CDK14: variants seen among roughly 807,000 people sequenced by gnomAD.
The protein encoded by CDK14 is cyclin-dependent kinase 14.
Under a neutral mutation model 60.7 loss-of-function variants are expected in CDK14, and 34 were observed. That is an observed-to-expected ratio of 0.56 (90% CI 0.43 to 0.75). The LOEUF is 0.75. Ranked by LOEUF, CDK14 falls within the 30% of genes least tolerant of loss-of-function variation. The pLI is 0.00. For missense variants in CDK14, 482 were observed against 564.1 expected (o/e 0.85, Z 1.47); for synonymous variants, 197 against 203.7 (o/e 0.97, Z 0.28).
At chr7:90,783,676 A>T (rs1805444098) in intron 4 of CDK14, among the ~76,000 whole-genome samples, 1 of 152,214 alleles carries the variant, frequency 6.6e-6, no homozygotes, top group South Asian at 2.1e-4. Context: ...GTATGAAAAA[A>T]TGCTCAACAT....
At chr7:90,664,148 C>A (rs1800923116) in intron 2 of CDK14, among the ~76,000 whole-genome samples, 1 of 152,184 alleles carries the variant, frequency 6.6e-6, no homozygotes, top group South Asian at 2.1e-4. Context: ...AGACACTTCT[C>A]AAAAGAGGAC....
chr7:91,095,384 G>A lies in CDK14; in HGVS notation c.1154+15904G>A, dbSNP rs536772602. 1.4e-4 allele frequency among the ~76,000 whole-genome samples: 22 copies of A among 152,352 alleles called. 1 individual carries two copies. Among genetic ancestry groups the A allele is most frequent in the Admixed American group, 1.2e-3 (18 of 15,306 alleles). On this transcript the variant is annotated intron_variant, in intron 12 of 14. Coordinates refer to ENST00000380050, the MANE Select transcript of CDK14 (RefSeq NM_001287135.2). ...GTGAGTGAAAGCAGAGGCCAGCCAA[G>A]GAATGGCCCTGCAGGCCAGAGTTTG...
At chr7:90,955,953 AT>A in intron 9 of CDK14, 136 bp downstream of exon 9, 1 of 1,014,804 alleles carries the variant, frequency 9.9e-7, no homozygotes, top group African/African-American at 1.6e-5. Context: ...ATGCTGCTGG[AT>A]GTTTTAAAAC....
chr7:90,683,683 C>A (rs1423460709), intron 2 of CDK14, among the ~76,000 whole-genome samples: 2 of 152,154 alleles, frequency 1.3e-5, no homozygotes, highest in East Asian at 3.9e-4. Flanking sequence ...TGCCTGTAAT[C>A]CTGGCTACTC....
chr7:90,636,769 T>C (rs1800161106), intron 2 of CDK14, among the ~76,000 whole-genome samples: 1 of 152,228 alleles, frequency 6.6e-6, no homozygotes, highest in Non-Finnish European at 1.5e-5. Flanking sequence ...GGTCCTGGAC[T>C]CTTTTTGGTT....
chr7:90,859,639 C>T (rs377734450), intron 5 of CDK14, among the ~76,000 whole-genome samples: 15 of 152,096 alleles, frequency 9.9e-5, no homozygotes, highest in African/African-American at 3.6e-4. Context: ...CACATATTTT[C>T]CATCCTTCAC....
chr7:91,021,658 C>G (rs1215393141), intron 10 of CDK14, among the ~76,000 whole-genome samples: 1 of 152,196 alleles, frequency 6.6e-6, no homozygotes, highest in Non-Finnish European at 1.5e-5. Context: ...ATTCATTCCT[C>G]TTTTATTTTG....
At chr7:91,199,677 A>G (rs1802656631) in intron 14 of CDK14, among the ~76,000 whole-genome samples, 1 of 152,232 alleles carries the variant, frequency 6.6e-6, no homozygotes, top group African/African-American at 2.4e-5. Context: ...TTGTTTTGAA[A>G]TGTTAGACTT....
intron 2 of CDK14, among the ~76,000 whole-genome samples, chr7:90,630,302 A>C (rs1799966336): frequency 6.6e-6 from 1 of 152,186 alleles, no homozygotes; most frequent in Non-Finnish European, 1.5e-5. Flanking sequence ...AGCCTATTGC[A>C]CACCTAAGCT....
At chr7:90,942,074 C>T (rs763522753) in intron 8 of CDK14, among the ~76,000 whole-genome samples, 7 of 152,164 alleles carry the variant, frequency 4.6e-5, no homozygotes, top group Non-Finnish European at 1.0e-4. Flanking sequence ...GAGGTATCAC[C>T]CACTTCTCTT....
intron 10 of CDK14, among the ~76,000 whole-genome samples, chr7:91,038,045 G>T (rs896665252): frequency 1.3e-5 from 2 of 152,084 alleles, no homozygotes; most frequent in Admixed American, 6.5e-5. Flanking sequence ...CTGTGGACAG[G>T]GCCTTGTCAC....
At chr7:90,659,279 A>G (rs1438573580) in intron 2 of CDK14, among the ~76,000 whole-genome samples, 1 of 152,300 alleles carries the variant, frequency 6.6e-6, no homozygotes, top group African/African-American at 2.4e-5. Context: ...AGTGTTAAAG[A>G]TATCAGGGGG....
At chr7:90,936,511 T>C (rs1464072859) in intron 8 of CDK14, among the ~76,000 whole-genome samples, 2 of 152,240 alleles carry the variant, frequency 1.3e-5, no homozygotes. Flanking sequence ...TGGTCTCCTA[T>C]AGCTTTTTAT....
intron 2 of CDK14, chr7:90,692,778 A>G (rs1801578253): frequency 5.9e-6 from 3 of 504,260 alleles, no homozygotes; most frequent in Non-Finnish European, 5.1e-6. Context: ...AAAATGGGCT[A>G]TTGTGGTTGG....
chr7:91,013,200 TTTC>T (rs1410148700), intron 10 of CDK14, among the ~76,000 whole-genome samples: 1 of 152,228 alleles, frequency 6.6e-6, no homozygotes, highest in African/African-American at 2.4e-5. Flanking sequence ...GTTCTCTTCC[TTTC>T]TTCTTTGCAG....
At chr7:91,082,143 C>G (rs900155447) in intron 12 of CDK14, among the ~76,000 whole-genome samples, 6 of 152,150 alleles carry the variant, frequency 3.9e-5, no homozygotes, top group African/African-American at 1.4e-4. Context: ...GTGCAATCAA[C>G]CAAGAATTTT....
At chr7:90,926,766 T>C in intron 8 of CDK14, among the ~76,000 whole-genome samples, 1 of 152,178 alleles carries the variant, frequency 6.6e-6, no homozygotes, top group Non-Finnish European at 1.5e-5. Context: ...CCCCTTAGGT[T>C]AAGGGCTTAG....
At chr7:91,147,674 C>A (rs1269658891) in intron 14 of CDK14, among the ~76,000 whole-genome samples, 4 of 152,222 alleles carry the variant, frequency 2.6e-5, no homozygotes, top group Admixed American at 2.0e-4. Flanking sequence ...ATTGTAGATA[C>A]TGTCTACTTG....
intron 14 of CDK14, among the ~76,000 whole-genome samples, chr7:91,137,323 C>A (rs1430300100): frequency 6.6e-6 from 1 of 152,092 alleles, no homozygotes; most frequent in Non-Finnish European, 1.5e-5. Flanking sequence ...GTGCTGTGTT[C>A]TCTTTCCCAC....
Sources: allele counts gnomAD v4.1 joint callset (sites outside exome capture counted in the v4.1 genomes callset), GRCh38; gene constraint gnomAD v4.1.1; transcripts MANE v1.5; gene names NCBI Gene and HGNC (gene_info 2026-07-23, HGNC 2026-07-21).